HYDIN: variants seen among roughly 807,000 people sequenced by gnomAD.
The protein encoded by HYDIN is HYDIN axonemal central pair apparatus protein, also known as axonemal central pair apparatus protein HYDIN.
Under a neutral mutation model 403.9 loss-of-function variants are expected in HYDIN, and 132 were observed. That is an observed-to-expected ratio of 0.33 (90% CI 0.28 to 0.38). The LOEUF is 0.38. Among genes scored for constraint, HYDIN ranks in the 10% least tolerant of loss-of-function variants. The pLI is 1.00. For synonymous variants in HYDIN, 1,202 were observed against 1,891.7 expected, an observed-to-expected ratio of 0.64 and a Z score of 9.46; for missense variants, 2,827 against 5,009.5, an observed-to-expected ratio of 0.56 and a Z score of 13.15.
intron 12 of HYDIN, among the ~76,000 whole-genome samples, chr16:71,082,152 T>C (rs1047637127): frequency 2.0e-5 from 3 of 151,886 alleles, no homozygotes; most frequent in African/African-American, 7.3e-5. Context: ...TTATAGACAT[T>C]TCCTGGGCTA....
In HYDIN at chr16:70,920,698, T is replaced by C. The variant is rs559831559; in HGVS notation, c.7678A>G (p.Lys2560Glu). ...GEGEEDHEGK[K>E]EKDLGVPFLD... ...AAGGGTACGCCCAGGTCCTTCTCCT[T>C]CTTCCCTTCGTGGTCCTCCTCCCCT... The change falls in exon 46 of 86, where the codon AAG (lysine) becomes GAG (glutamate). Residue 2560 changes from lysine (K) to glutamate (E), a missense_variant. Coordinates refer to ENST00000393567, the MANE Select transcript of HYDIN (RefSeq NM_001270974.2). The C allele has an allele frequency of 1.3e-5, 21 of 1,608,576 alleles. No homozygotes were observed. The South Asian group carries it at 2.2e-4, about 17-fold the overall frequency.
At chr16:71,108,556 C>G (rs1172014413) in intron 10 of HYDIN, among the ~76,000 whole-genome samples, 1 of 151,900 alleles carries the variant, frequency 6.6e-6, no homozygotes, top group Non-Finnish European at 1.5e-5. Flanking sequence ...CCAATCGTTG[C>G]TACAAGAAAC....
intron 23 of HYDIN, among the ~76,000 whole-genome samples, chr16:70,999,364 AT>A (rs1178212104): frequency 6.6e-6 from 1 of 151,592 alleles, no homozygotes. Context: ...AAGCAACTGT[AT>A]CAAGTAAGAG....
chr16:70,936,543 T>C (rs1411820561), intron 44 of HYDIN, among the ~76,000 whole-genome samples: 1 of 105,858 alleles, frequency 9.4e-6, no homozygotes, highest in Admixed American at 8.6e-5. Flanking sequence ...AATAAGAATT[T>C]TTTTTTTTTT....
chr16:71,007,066 C>T (rs2079911530), intron 23 of HYDIN, among the ~76,000 whole-genome samples: 2 of 148,872 alleles, frequency 1.3e-5, no homozygotes, highest in Admixed American at 6.7e-5. Flanking sequence ...TTCCCTGCCT[C>T]CGTCCCTCCC....
chr16:71,215,696 T>C (rs1160814305), intron 1 of HYDIN, among the ~76,000 whole-genome samples: 1 of 148,966 alleles, frequency 6.7e-6, no homozygotes, highest in East Asian at 2.0e-4. Context: ...AAAGGACAAG[T>C]CTCAAAATGG....
Position 70,892,490 on chromosome 16 carries a change from T to C in HYDIN, c.9288A>G (p.Ile3096Met). The C allele has an allele frequency of 6.2e-7, 1 of 1,603,830 alleles. No individual in the cohort carries two copies. ...TGGGTTGGACTGAGATCATGGAATTTATATTAGGTGTTGAAATCCCTACAG... is the reference window on the plus strand; with the variant it reads ...TGGGTTGGACTGAGATCATGGAATTCATATTAGGTGTTGAAATCCCTACAG... ...VDSVGISTPN[I>M]NSMISVQPKK... Residue 3096 changes from isoleucine to methionine, a missense_variant, in exon 56 of 86, where the codon ATA becomes ATG. By Grantham distance (10) the Ile-to-Met change is conservative (BLOSUM62 1). Transcript: ENST00000393567.
At chr16:71,178,574 A>G (rs989262538) in intron 4 of HYDIN, among the ~76,000 whole-genome samples, 2 of 151,556 alleles carry the variant, frequency 1.3e-5, no homozygotes, top group African/African-American at 2.4e-5. Flanking sequence ...GATGTCTCTA[A>G]GGAAGACTAC....
intron 52 of HYDIN, among the ~76,000 whole-genome samples, chr16:70,902,787 C>G (rs1415366114): frequency 1.0e-5 from 1 of 99,334 alleles, no homozygotes; most frequent in Non-Finnish European, 1.9e-5. Flanking sequence ...GTTCCATCTA[C>G]TCTTTAAATA....
chr16:71,213,544 T>A (rs2088706102), intron 1 of HYDIN, among the ~76,000 whole-genome samples: 1 of 152,090 alleles, frequency 6.6e-6, no homozygotes, highest in Admixed American at 6.5e-5. Flanking sequence ...ATGCCCAAAC[T>A]AGAAGAGGGA....
At chr16:70,979,148 A>G in intron 29 of HYDIN, 107 bp from the exon 30 acceptor site, 1 of 1,222,972 alleles carries the variant, frequency 8.2e-7, no homozygotes, top group Non-Finnish European at 1.1e-6. Context: ...GTAAGGTGGG[A>G]AGGGAAGTGG....
intron 23 of HYDIN, among the ~76,000 whole-genome samples, chr16:71,005,321 G>A (rs1042821778): frequency 2.6e-5 from 4 of 152,062 alleles, no homozygotes; most frequent in Admixed American, 2.0e-4. Context: ...TACTTGAGAG[G>A]TAATTTGGTT....
intron 18 of HYDIN, among the ~76,000 whole-genome samples, chr16:71,034,650 C>T (rs2081028350): frequency 6.6e-6 from 1 of 152,124 alleles, no homozygotes; most frequent in African/African-American, 2.4e-5. Flanking sequence ...ATATTTCTTC[C>T]TGGTTTGAAA....
chr16:71,206,155 G>A (rs1027371846), intron 1 of HYDIN, among the ~76,000 whole-genome samples: 22 of 152,166 alleles, frequency 1.4e-4, no homozygotes, highest in Non-Finnish European at 2.9e-4. Flanking sequence ...CCTGAACTCT[G>A]TGGGTGGACA....
intron 57 of HYDIN, among the ~76,000 whole-genome samples, chr16:70,890,878 C>T (rs10445012): frequency 0.06 from 9,132 of 151,698 alleles, 300 homozygotes; most frequent in Middle Eastern, 0.075. Context: ...GGCATCACCG[C>T]ACTTCCTCTC....
intron 57 of HYDIN, among the ~76,000 whole-genome samples, chr16:70,889,956 G>C (rs2041374779): frequency 6.6e-6 from 1 of 152,254 alleles, no homozygotes; most frequent in South Asian, 2.1e-4. Context: ...ATTACTGCAA[G>C]AAGATAGTAA....
At chr16:70,832,761 A>C in intron 80 of HYDIN, 87 bp downstream of exon 80, 1 of 1,026,050 alleles carries the variant, frequency 9.7e-7, no homozygotes, top group East Asian at 2.4e-5. Context: ...GGGAGGGGGC[A>C]GGCCTGCCTG....
intron 53 of HYDIN, among the ~76,000 whole-genome samples, chr16:70,899,207 C>G (rs1462908563): frequency 2.0e-5 from 3 of 152,080 alleles, no homozygotes; most frequent in African/African-American, 7.2e-5. Flanking sequence ...AAAAGTATGT[C>G]TACTTCTTAA....
chr16:70,928,347 TC>T (rs1369590754), intron 45 of HYDIN, among the ~76,000 whole-genome samples: 1 of 152,090 alleles, frequency 6.6e-6, no homozygotes, highest in Non-Finnish European at 1.5e-5. Flanking sequence ...TCCCAGCTAC[TC>T]GGGAGGCTGA....
Sources: allele counts gnomAD v4.1 joint callset (sites outside exome capture counted in the v4.1 genomes callset), GRCh38; gene constraint gnomAD v4.1.1; transcripts MANE v1.5; gene names NCBI Gene and HGNC (gene_info 2026-07-23, HGNC 2026-07-21).